Variants in CLOCK observed in about 807,000 individuals in gnomAD.
CLOCK encodes the protein clock circadian regulator, also known as circadian locomoter output cycles protein kaput.
Under a neutral mutation model 118.4 loss-of-function variants are expected in CLOCK, and 43 were observed. The observed-to-expected ratio is 0.36, with a 90% CI of 0.28 to 0.47. The LOEUF is 0.47. Ranked by LOEUF, CLOCK falls within the 20% of genes least tolerant of loss-of-function variation. The probability of loss-of-function intolerance (pLI) is 1.00; values close to 1 mark genes in which losing one functional copy is unlikely to be tolerated. For missense variants in CLOCK, 846 were observed against 999.9 expected, an observed-to-expected ratio of 0.85 and a Z score of 2.08; for synonymous variants, 326 against 339.2, an observed-to-expected ratio of 0.96 and a Z score of 0.43.
At chr4:55,458,620 G>T (rs1725085148) in intron 11 of CLOCK, among the ~76,000 whole-genome samples, 1 of 151,902 alleles carries the variant, frequency 6.6e-6, no homozygotes, top group Non-Finnish European at 1.5e-5. Context: ...CCTTTTAATA[G>T]AGATAATGAA....
chr4:55,444,834 C>T (rs775521266), intron 18 of CLOCK, 49 bp from the exon 19 acceptor site: 1 of 1,570,612 alleles, frequency 6.4e-7, no homozygotes, highest in Admixed American at 1.8e-5. Flanking sequence ...GAATTACTTA[C>T]TCCTTATAAT....
At chr4:55,458,364 G>A (rs116727066) in intron 11 of CLOCK, among the ~76,000 whole-genome samples, 2,611 of 152,140 alleles carry the variant, frequency 0.017, 28 homozygotes, top group African/African-American at 0.026. Context: ...GCCTGGCCCC[G>A]CCGAAATTTT....
chr4:55,491,662 T>C (rs1305657762), intron 2 of CLOCK, among the ~76,000 whole-genome samples: 1 of 152,136 alleles, frequency 6.6e-6, no homozygotes, highest in Non-Finnish European at 1.5e-5. Flanking sequence ...ACAGCAGATT[T>C]ATTCATAATG....
At chr4:55,456,164 A>C (rs1724909823) in intron 12 of CLOCK, 54 bp downstream of exon 12, 1 of 1,413,612 alleles carries the variant, frequency 7.1e-7, no homozygotes. Context: ...CATTAATTTC[A>C]AGAATTATAT....
intron 7 of CLOCK, among the ~76,000 whole-genome samples, chr4:55,475,492 T>C (rs1484885293): frequency 6.6e-6 from 1 of 152,346 alleles, no homozygotes; most frequent in Middle Eastern, 3.4e-3. Flanking sequence ...AGTTCTACTC[T>C]GGGTAAAATG....
chr4:55,453,515 TATA>T (rs1724655999), intron 14 of CLOCK, 159 bp downstream of exon 14: 1 of 565,354 alleles, frequency 1.8e-6, no homozygotes, highest in South Asian at 2.9e-5. Context: ...TATATTTATA[TATA>T]ATGCCTATAA....
At chr4:55,511,114 C>G (rs1404966173) in intron 1 of CLOCK, among the ~76,000 whole-genome samples, 18 of 152,164 alleles carry the variant, frequency 1.2e-4, no homozygotes, top group Non-Finnish European at 2.9e-5. Context: ...ATCAACTGAT[C>G]ATCAAGCGTC....
At chr4:55,466,569 T>C (rs1443825293) in intron 8 of CLOCK, among the ~76,000 whole-genome samples, 1 of 152,256 alleles carries the variant, frequency 6.6e-6, no homozygotes, top group Non-Finnish European at 1.5e-5. Context: ...TGGTAAATTA[T>C]GATGTGACCT....
At chr4:55,462,665 T>C (rs536187348) in intron 9 of CLOCK, among the ~76,000 whole-genome samples, 1 of 152,348 alleles carries the variant, frequency 6.6e-6, no homozygotes, top group Non-Finnish European at 1.5e-5. Context: ...ATACTAATTG[T>C]AGGTATCTAT....
At chr4:55,488,131 C>T (rs758230874) in intron 3 of CLOCK, among the ~76,000 whole-genome samples, 10 of 152,114 alleles carry the variant, frequency 6.6e-5, no homozygotes, top group Non-Finnish European at 7.4e-5. Context: ...TCTATTTGAC[C>T]GTTAAGCAAT....
At chr4:55,457,435 T>A (rs1724995841) in intron 11 of CLOCK, among the ~76,000 whole-genome samples, 1 of 152,206 alleles carries the variant, frequency 6.6e-6, no homozygotes, top group Non-Finnish European at 1.5e-5. Flanking sequence ...CTGCCATCAC[T>A]GATTTGCTAC....
chr4:55,506,501 A>T (rs1396553203), intron 2 of CLOCK, among the ~76,000 whole-genome samples: 2 of 152,012 alleles, frequency 1.3e-5, no homozygotes, highest in African/African-American at 2.4e-5. Context: ...AGACTTAAAT[A>T]AAAAAAATAC....
In CLOCK at chr4:55,482,745, A is replaced by G. The variant is rs760210086; in HGVS notation, c.41T>C (p.Val14Ala). 6.2e-7 allele frequency: 1 copy of G among 1,606,518 alleles called. No individual in the cohort carries two copies. Among genetic ancestry groups the G allele is most frequent in the Admixed American group, 1.7e-5 (1 of 59,688 alleles). ...TAAGTCTTCAAAAACATACCTGTCA[A>G]CAATCGAGCTCATTTTACTACAGCT... ...TVSCSKMSSI[V>A]DRDDSSIFDG... The change falls in exon 4 of 23, where the codon GTT (valine) becomes GCT (alanine). Residue 14 changes from valine (V) to alanine (A), a missense_variant. Transcript: ENST00000513440.
At chr4:55,494,837 G>A (rs530778513) in intron 2 of CLOCK, among the ~76,000 whole-genome samples, 1 of 152,314 alleles carries the variant, frequency 6.6e-6, no homozygotes, top group South Asian at 2.1e-4. Context: ...ATTTTCTCCT[G>A]AAGCCTCCAG....
intron 1 of CLOCK, among the ~76,000 whole-genome samples, chr4:55,521,342 C>A (rs922387905): frequency 1.3e-5 from 2 of 152,152 alleles, no homozygotes; most frequent in Non-Finnish European, 2.9e-5. Context: ...CCTCAGCCTC[C>A]CAAGTAGCTG....
chr4:55,494,549 C>A (rs1727928183), intron 2 of CLOCK, among the ~76,000 whole-genome samples: 1 of 151,786 alleles, frequency 6.6e-6, no homozygotes, highest in African/African-American at 2.4e-5. Flanking sequence ...ATACAATGGA[C>A]CATGGGGACT....
In CLOCK at chr4:55,450,152, G is replaced by A. The variant is rs200386839; in HGVS notation, c.1287C>T (p.Thr429=). The A allele has an allele frequency of 4.3e-5, 70 of 1,614,076 alleles. No homozygotes were observed. The African/African-American group carries it at 8.5e-4, about 20-fold the overall frequency. The stretch of plus-strand genomic sequence containing the variant: ...TTGAACTCCGAGAAGAGGCAGAAGG[G>A]GTTGGGCTGTGATCAAACCTTTCCA... ...EALERFDHSP[T]PSASSRSSRK... The change falls in exon 16 of 23, where the codon ACC becomes ACT. Residue 429 remains threonine, a synonymous_variant. Coordinates refer to ENST00000513440, the MANE Select transcript of CLOCK (RefSeq NM_004898.4).
At chr4:55,528,362 A>T (rs1033331716) in intron 1 of CLOCK, among the ~76,000 whole-genome samples, 1 of 151,074 alleles carries the variant, frequency 6.6e-6, no homozygotes, top group African/African-American at 2.4e-5. Flanking sequence ...AAAAAAAATT[A>T]ATTAATTAAA....
At position 55,439,714 on chromosome 4, in the gene CLOCK, T is replaced by G. The variant is rs141431750; in HGVS notation, c.2106-1177A>C. On this transcript the variant is annotated intron_variant, in intron 21 of 22. Coordinates refer to ENST00000513440, the MANE Select transcript of CLOCK (RefSeq NM_004898.4). ...ATTCTGACAATTGCTGTAACATGGA[T>G]GAACCCTGAGAACATTATCCTAAGT... 1.1e-4 allele frequency among the ~76,000 whole-genome samples: 16 copies of G among 152,288 alleles called. No individual in the cohort carries two copies. The East Asian group carries it at 3.1e-3, about 29-fold the overall frequency.
Sources: gnomAD v4.1 joint callset for allele counts (sites outside exome capture counted in the v4.1 genomes callset) on GRCh38, gnomAD v4.1.1 for gene constraint, MANE v1.5 for transcripts, NCBI Gene and HGNC (gene_info 2026-07-23, HGNC 2026-07-21) for gene names.